Variants in TUBGCP2 observed in about 807,000 individuals in gnomAD.
The protein encoded by TUBGCP2 is tubulin gamma complex component 2.
TUBGCP2 carries 55 observed loss-of-function variants against 92.2 expected under a neutral mutation model. The ratio of observed to expected loss-of-function variants is 0.60; its 90% CI spans 0.48 to 0.75. The LOEUF (loss-of-function observed/expected upper bound fraction) is 0.75. Among genes scored for constraint, TUBGCP2 ranks in the 30% least tolerant of loss-of-function variants. The pLI, the probability that TUBGCP2 is intolerant of heterozygous loss-of-function variation, is 0.00. For synonymous variants in TUBGCP2, 533 were observed against 505.2 expected, an observed-to-expected ratio of 1.06 and a Z score of -0.74; for missense variants, 1,093 against 1,188.9, an observed-to-expected ratio of 0.92 and a Z score of 1.19.
chr10:133,310,031 G>A, upstream of TUBGCP2: 2 of 1,610,620 alleles, frequency 1.2e-6, no homozygotes, highest in Non-Finnish European at 1.7e-6. Context: ...GATGGGCTCA[G>A]AGTGCTGCCC....
At chr10:133,305,629 C>T (rs1295564349) in intron 1 of TUBGCP2, among the ~76,000 whole-genome samples, 1 of 152,142 alleles carries the variant, frequency 6.6e-6, no homozygotes, top group Non-Finnish European at 1.5e-5. Context: ...CACATACTCC[C>T]ACAATATGCT....
At chr10:133,298,420 C>T (rs570595730) in intron 4 of TUBGCP2, among the ~76,000 whole-genome samples, 1 of 152,370 alleles carries the variant, frequency 6.6e-6, no homozygotes, top group African/African-American at 2.4e-5. Flanking sequence ...CACCTAGGCA[C>T]AGAGCCGCTG....
At chr10:133,303,973 C>T (rs1329556686) in intron 1 of TUBGCP2, among the ~76,000 whole-genome samples, 1 of 152,210 alleles carries the variant, frequency 6.6e-6, no homozygotes. Flanking sequence ...TGAGCGCCGC[C>T]CCTACTCTCC....
chr10:133,280,383 G>GA (rs1846936416), intron 17 of TUBGCP2, among the ~76,000 whole-genome samples: 1 of 152,154 alleles, frequency 6.6e-6, no homozygotes, highest in Admixed American at 6.5e-5. Context: ...CAGAACATTT[G>GA]TGGGGGGCAC....
At position 133,286,247 on chromosome 10, in the gene TUBGCP2, G is replaced by C. The variant is rs138269796; in HGVS notation, c.1723-619C>G. On this transcript the variant is annotated intron_variant, in intron 11 of 17. Coordinates refer to ENST00000252936, the MANE Select transcript of TUBGCP2 (RefSeq NM_006659.4). ...ATAGCCAAGGTGGGAGCTTTCGCAGGTGTGCAGACAGCAGCGTCCTGAGAC... is the reference window on the plus strand; with the variant it reads ...ATAGCCAAGGTGGGAGCTTTCGCAGCTGTGCAGACAGCAGCGTCCTGAGAC... 3.1e-3 allele frequency among the ~76,000 whole-genome samples: 477 copies of C among 152,234 alleles called. 3 individuals carry two copies. The highest frequency in any genetic ancestry group is 0.011 in the African/African-American group (456 of 41,518).
chr10:133,282,789 A>C (rs1847016821), intron 15 of TUBGCP2, among the ~76,000 whole-genome samples: 1 of 152,180 alleles, frequency 6.6e-6, no homozygotes, highest in African/African-American at 2.4e-5. Flanking sequence ...AGTGCTGAGG[A>C]AAAGAGCATG....
Position 133,292,649 on chromosome 10 carries a change from G to A in TUBGCP2, c.1064C>T (p.Thr355Met), listed in dbSNP as rs202119147. 286 of 1,614,062 alleles carry A rather than the reference G, an allele frequency of 1.8e-4. 1 individual carries two copies. The highest frequency in any genetic ancestry group is 1.2e-3 in the Admixed American group (71 of 60,014). ...VDKGECLGGSTLSLLHDRSFS... is the reference protein window; with the variant it reads ...VDKGECLGGSMLSLLHDRSFS... ...GCTCCTGTCGTGGAGCAGGCTCAGC[G>A]TGGACCCCCCAAGACATTCGCCTTT... The change falls in exon 8 of 18, where the codon ACG (threonine) becomes ATG (methionine). Residue 355 changes from threonine (T) to methionine (M), a missense_variant. Thr to Met is a moderately conservative substitution (Grantham distance 81, BLOSUM62 -1). This residue lies in a region of TUBGCP2 where 490 missense variants were observed against 488.5 expected (regional missense o/e 1.00). Transcript: ENST00000252936.
In TUBGCP2 at chr10:133,281,344, C is replaced by T. The variant is rs1347199894; in HGVS notation, c.2502G>A (p.Leu834=). The change falls in exon 17 of 18, where the codon CTG becomes CTA. Residue 834 remains leucine, a synonymous_variant. Coordinates refer to ENST00000252936, the MANE Select transcript of TUBGCP2 (RefSeq NM_006659.4). ...AGATGCTCAGCCGGGCCAGGAGGTC[C>T]AGCAGGTGGGCTGAGAAGTTCTTGT... ...KFDKNFSAHL[L]DLLARLSIYS... The T allele has an allele frequency of 1.2e-6, 2 of 1,613,718 alleles. No individual in the cohort carries two copies. The highest frequency in any genetic ancestry group is 8.5e-7 in the Non-Finnish European group (1 of 1,180,004).
chr10:133,279,895 G>A lies in TUBGCP2; in HGVS notation c.2580C>T (p.Asp860=), dbSNP rs977310214. 4 of 1,609,732 alleles carry A rather than the reference G, an allele frequency of 2.5e-6. No homozygotes were observed. Among genetic ancestry groups the A allele is most frequent in the Non-Finnish European group, 3.4e-6 (4 of 1,178,534 alleles). Residue 860 remains aspartate (D), a synonymous_variant, in exon 18 of 18, where the codon GAC becomes GAT. Coordinates refer to ENST00000252936, the MANE Select transcript of TUBGCP2 (RefSeq NM_006659.4). Reference sequence around the variant, plus strand: ...GGCGCTCCGTGTAGAAACCATTGAAGTCAAGCCTGTGAGGAAGGACAGTGG... The same window carrying A: ...GGCGCTCCGTGTAGAAACCATTGAAATCAAGCCTGTGAGGAAGGACAGTGG... ...HGMASVISRL[D]FNGFYTERLE... is the part of the protein sequence containing the mutation.
chr10:133,310,009 C>T (rs763022030), upstream of TUBGCP2: 6 of 1,610,254 alleles, frequency 3.7e-6, no homozygotes, highest in African/African-American at 2.7e-5. Context: ...GCCGAGGCCA[C>T]CCCCCATTGG....
upstream of TUBGCP2, chr10:133,310,346 A>G (rs1423073171): frequency 1.2e-5 from 20 of 1,606,630 alleles, no homozygotes; most frequent in Non-Finnish European, 1.7e-5. Context: ...AAGGTTTCCA[A>G]CTAGCCGGAA....
upstream of TUBGCP2, chr10:133,311,590 G>A (rs1032864682): frequency 5.3e-5 from 43 of 813,022 alleles, no homozygotes; most frequent in Admixed American, 5.5e-4. Flanking sequence ...ATCAGACTAT[G>A]CCAAAATAGT....
chr10:133,309,413 C>G (rs948862831), upstream of TUBGCP2: 2 of 1,612,258 alleles, frequency 1.2e-6, no homozygotes, highest in East Asian at 2.2e-5. Flanking sequence ...AGCGCCACCT[C>G]TACCTCCAGG....
intron 8 of TUBGCP2, 145 bp from the exon 9 acceptor site, chr10:133,290,114 A>T: frequency 2.6e-6 from 3 of 1,174,274 alleles, no homozygotes; most frequent in Non-Finnish European, 3.6e-6. Context: ...AGCCTAATCT[A>T]CCAGTTACTT....
chr10:133,306,670 C>T (rs1297609547), intron 1 of TUBGCP2, among the ~76,000 whole-genome samples: 1 of 152,026 alleles, frequency 6.6e-6, no homozygotes, highest in African/African-American at 2.4e-5. Context: ...CGCTTGTAGT[C>T]GCAGATACTC....
At chr10:133,281,585 G>A (rs973538141) in intron 16 of TUBGCP2, 149 bp from the exon 17 acceptor site, 9 of 1,092,462 alleles carry the variant, frequency 8.2e-6, no homozygotes, top group Non-Finnish European at 1.1e-5. Context: ...GGAGATTCAA[G>A]GTAAAAAAGA....
chr10:133,285,481 A>G lies in TUBGCP2; in HGVS notation c.1870T>C (p.Trp624Arg). ...CTGTTGATGATGAGCGAAAGGGGCCACTTGACGATGTAGTCGAAAGAGAAG... is the reference window on the plus strand; with the variant it reads ...CTGTTGATGATGAGCGAAAGGGGCCGCTTGACGATGTAGTCGAAAGAGAAG... The part of the protein sequence containing the change: ...EAFSFDYIVK[W>R]PLSLIINRKA... Residue 624 changes from tryptophan to arginine, a missense_variant, in exon 12 of 18, where the codon TGG becomes CGG. By Grantham distance (101) the Trp-to-Arg change is moderately radical. Transcript: ENST00000252936. The surrounding 1 kb of genome is among the most constrained non-coding windows in gnomAD (Gnocchi z 6.8). 1.2e-6 allele frequency: 2 copies of G among 1,613,386 alleles called. No homozygotes were observed. Among genetic ancestry groups the G allele is most frequent in the East Asian group, 2.2e-5 (1 of 44,852 alleles).
chr10:133,294,719 G>A (rs887070994), intron 5 of TUBGCP2, among the ~76,000 whole-genome samples: 7 of 152,082 alleles, frequency 4.6e-5, no homozygotes, highest in East Asian at 3.9e-4. Context: ...AGGCTCAAGC[G>A]ATCCTGTATC....
chr10:133,294,961 G>C (rs1276987264), intron 5 of TUBGCP2, among the ~76,000 whole-genome samples: 1 of 152,176 alleles, frequency 6.6e-6, no homozygotes, highest in African/African-American at 2.4e-5. Flanking sequence ...TGGCGTTTTG[G>C]GAACAGCGAG....
Sources: gnomAD v4.1 joint callset for allele counts (sites outside exome capture counted in the v4.1 genomes callset) on GRCh38, gnomAD v4.1.1 for gene constraint, gnomAD v4.1.1 regional missense constraint, Gnocchi (gnomAD v3.1) non-coding constraint, MANE v1.5 for transcripts, NCBI Gene and HGNC (gene_info 2026-07-23, HGNC 2026-07-21) for gene names.